UNC13C: variants seen among roughly 807,000 people sequenced by gnomAD.
UNC13C encodes protein unc-13 homolog C.
Under a neutral mutation model 245.4 loss-of-function variants are expected in UNC13C, and 174 were observed. The observed-to-expected ratio is 0.71, with a 90% CI of 0.63 to 0.80. The LOEUF is 0.80. Ranked by LOEUF, UNC13C falls within the 30% of genes least tolerant of loss-of-function variation. UNC13C has a pLI of 0.00. For missense variants in UNC13C, 2,829 were observed against 2,602.9 expected (o/e 1.09, Z -1.89); for synonymous variants, 992 against 895.1 (o/e 1.11, Z -1.93).
intron 4 of UNC13C, among the ~76,000 whole-genome samples, chr15:54,176,982 A>G (rs531321786): frequency 1.6e-4 from 25 of 152,264 alleles, no homozygotes; most frequent in African/African-American, 3.4e-4. Context: ...TTATCAAACT[A>G]TCTTCAAACT....
At chr15:54,332,255 G>A (rs761847236) in intron 15 of UNC13C, 144 bp downstream of exon 15, 5 of 590,762 alleles carry the variant, frequency 8.5e-6, no homozygotes, top group African/African-American at 1.9e-5. Context: ...AATCCAGCAG[G>A]TCTCCTTTTT....
At chr15:54,212,810 G>C (rs894425803) in intron 4 of UNC13C, among the ~76,000 whole-genome samples, 2 of 152,028 alleles carry the variant, frequency 1.3e-5, no homozygotes, top group East Asian at 1.9e-4. Flanking sequence ...ATTACCTTTT[G>C]GTTGGGTGTC....
At chr15:53,908,746 T>A in the UNC13C span, among the ~76,000 whole-genome samples, 3 of 53,042 alleles carry the variant, frequency 5.7e-5, no homozygotes, top group African/African-American at 1.7e-4. Flanking sequence ...AATGAGAACC[T>A]TTCTCCAAAA....
At chr15:54,537,503 C>A (rs1261831153) in intron 26 of UNC13C, among the ~76,000 whole-genome samples, 1 of 151,660 alleles carries the variant, frequency 6.6e-6, no homozygotes, top group African/African-American at 2.4e-5. Context: ...CATTTAGAAC[C>A]AAAAAAGAGT....
Position 54,401,825 on chromosome 15 carries a change from G to C in UNC13C, c.4847+8644G>C, listed in dbSNP as rs561961215. On this transcript the variant is annotated intron_variant, in intron 18 of 32. Coordinates refer to ENST00000260323, the MANE Select transcript of UNC13C (RefSeq NM_001080534.3). ...GGGTCCCTGAAGCCTGACTCCAGGG[G>C]CTGTTTGACTCCAGTAGACAGAGTT... Among the ~76,000 whole-genome samples, 11 of 152,204 alleles carry C rather than the reference G, an allele frequency of 7.2e-5. No individual in the cohort carries two copies. The East Asian group carries it at 2.1e-3, about 29-fold the overall frequency.
intron 19 of UNC13C, among the ~76,000 whole-genome samples, chr15:54,448,535 T>C (rs1034254107): frequency 7.2e-5 from 11 of 152,184 alleles, no homozygotes; most frequent in African/African-American, 2.4e-4. Context: ...GTAATGGCCT[T>C]CTTTGTCGCT....
intron 4 of UNC13C, among the ~76,000 whole-genome samples, chr15:54,211,001 C>T (rs970463841): frequency 6.6e-6 from 1 of 152,218 alleles, no homozygotes; most frequent in South Asian, 2.1e-4. Flanking sequence ...GTCAGAGCCT[C>T]TACTAGCAAG....
intron 24 of UNC13C, among the ~76,000 whole-genome samples, chr15:54,516,050 T>A (rs868388032): frequency 2.6e-5 from 4 of 152,202 alleles, no homozygotes; most frequent in African/African-American, 9.6e-5. Flanking sequence ...CGCTTTTAAT[T>A]TTTAATGACA....
chr15:54,143,021 G>T lies in UNC13C; in HGVS notation c.2987G>T (p.Ser996Ile). 1 of 1,611,664 alleles carries T rather than the reference G, an allele frequency of 6.2e-7. No individual in the cohort carries two copies. The highest frequency in any genetic ancestry group is 8.5e-7 in the Non-Finnish European group (1 of 1,179,016). Residue 996 changes from serine (S) to isoleucine (I), a missense_variant, in exon 3 of 33, where the codon AGC (serine) becomes ATC (isoleucine). Transcript: ENST00000260323. ...TCTTTTCCTGATTCTCTTTCAGATA[G>T]CAGTTCTGTGGATGAAAAGGTTTTA... ...ELEEKILAGD[S>I]SSVDEKARIV...
At chr15:53,869,328 T>C in the UNC13C span, among the ~76,000 whole-genome samples, 7 of 152,154 alleles carry the variant, frequency 4.6e-5, no homozygotes, top group Non-Finnish European at 7.4e-5. Flanking sequence ...TAGCAAGTGG[T>C]CATACACAGG....
chr15:54,324,968 T>C (rs1030260545), intron 14 of UNC13C, among the ~76,000 whole-genome samples: 3 of 151,804 alleles, frequency 2.0e-5, no homozygotes, highest in Non-Finnish European at 2.9e-5. Context: ...TTATGCATGA[T>C]TTTTTTTATT....
intron 4 of UNC13C, among the ~76,000 whole-genome samples, chr15:54,195,100 T>G (rs1374876281): frequency 9.9e-6 from 1 of 101,174 alleles, no homozygotes; most frequent in Non-Finnish European, 2.4e-5. Flanking sequence ...TTCCCCATGA[T>G]CTCTGATACT....
chr15:53,873,394 G>T, the UNC13C span, among the ~76,000 whole-genome samples: 2 of 152,024 alleles, frequency 1.3e-5, no homozygotes, highest in African/African-American at 4.8e-5. Flanking sequence ...CTTGTTGCTC[G>T]CAAGATCGCT....
At chr15:54,588,441 TAAATC>T (rs1284945627) in intron 30 of UNC13C, among the ~76,000 whole-genome samples, 3 of 152,206 alleles carry the variant, frequency 2.0e-5, no homozygotes, top group Non-Finnish European at 2.9e-5. Flanking sequence ...GAAGATTAAA[TAAATC>T]AATATATGTA....
intron 2 of UNC13C, among the ~76,000 whole-genome samples, chr15:54,062,173 G>T (rs1011388359): frequency 1.7e-4 from 26 of 151,944 alleles, no homozygotes; most frequent in African/African-American, 6.0e-4. Context: ...TACAAAATTA[G>T]CCAGGCGTGG....
chr15:53,918,002 CG>C, the UNC13C span, among the ~76,000 whole-genome samples: 3 of 152,062 alleles, frequency 2.0e-5, no homozygotes, highest in Non-Finnish European at 4.4e-5. Context: ...GGGCCGGGCA[CG>C]GGGGGTAGCA....
the UNC13C span, among the ~76,000 whole-genome samples, chr15:53,941,630 G>C: frequency 3.3e-5 from 5 of 151,920 alleles, no homozygotes; most frequent in African/African-American, 4.8e-5. Context: ...GTAGGCAAAA[G>C]ACTTTTGGAA....
chr15:53,929,955 A>G, the UNC13C span, among the ~76,000 whole-genome samples: 1 of 152,328 alleles, frequency 6.6e-6, no homozygotes, highest in East Asian at 1.9e-4. Context: ...CTTACTGTGT[A>G]ACAAACTACT....
rs1283231572 is a variant in UNC13C, at chr15:54,602,941, C to G, written c.6107-19386C>G. 3.6e-4 allele frequency among the ~76,000 whole-genome samples: 5 copies of G among 13,790 alleles called. No homozygotes were observed. The East Asian group carries it at 0.01, about 28-fold the overall frequency. The allele number at this position is 13,790 out of a possible 152,430, so 9.0% of individuals were successfully genotyped here. A position where few individuals can be genotyped will look rare whatever the true frequency, so the allele number is the denominator to read the frequency against. ...GCAAGTTGGCCTCTGTGTCTGGAGA[C>G]TGGACTCAGGTTTCATCCTTGAGGC... On this transcript the variant is annotated intron_variant, in intron 30 of 32. Transcript: ENST00000260323.
Sources: gnomAD v4.1 joint callset for allele counts (sites outside exome capture counted in the v4.1 genomes callset) on GRCh38, gnomAD v4.1.1 for gene constraint, MANE v1.5 for transcripts, NCBI Gene and HGNC (gene_info 2026-07-23, HGNC 2026-07-21) for gene names.